RBBP5: variants seen among roughly 807,000 people sequenced by gnomAD.
RBBP5 encodes retinoblastoma-binding protein 5.
In RBBP5, 5 loss-of-function variants were observed where a neutral mutation model predicts 72.2. The ratio of observed to expected loss-of-function variants is 0.07; its 90% confidence interval spans 0.04 to 0.15. RBBP5 has a LOEUF of 0.15. RBBP5 is among the 10% of genes least tolerant of loss of function. The pLI is 1.00. For missense variants in RBBP5, 322 were observed against 652.2 expected (o/e 0.49, Z 5.51); for synonymous variants, 209 against 237.2 (o/e 0.88, Z 1.09).
Position 205,121,898 on chromosome 1 carries a change from C to T in RBBP5, c.-25G>A. The T allele has an allele frequency of 6.2e-7, 1 of 1,609,582 alleles. No homozygotes were observed. The highest frequency in any genetic ancestry group is 8.5e-7 in the Non-Finnish European group (1 of 1,179,956). On this transcript the variant is annotated 5_prime_UTR_variant, in exon 1 of 14. Coordinates refer to ENST00000264515, the MANE Select transcript of RBBP5 (RefSeq NM_005057.4). ...TCCCTGCGGACTGTGGCCGCCCGGTCTCAGCTCCGGCAACAACACCTTCTC... is the reference window on the plus strand; with the variant it reads ...TCCCTGCGGACTGTGGCCGCCCGGTTTCAGCTCCGGCAACAACACCTTCTC...
intron 13 of RBBP5, among the ~76,000 whole-genome samples, chr1:205,093,558 A>ACACACACG (rs1553352242): frequency 1.7e-5 from 2 of 115,966 alleles, no homozygotes; most frequent in African/African-American, 7.6e-5. Context: ...ACACACACAC[A>ACACACACG]CACACACACA....
intron 1 of RBBP5, 21 bp from the exon 2 acceptor site, chr1:205,115,904 A>C: frequency 6.2e-7 from 1 of 1,613,714 alleles, no homozygotes; most frequent in Non-Finnish European, 8.5e-7. Context: ...GCAAAGAAAG[A>C]GTTGATGGCA....
In RBBP5 at chr1:205,121,897, T is replaced by C. The variant is rs1215099156; in HGVS notation, c.-24A>G. The C allele has an allele frequency of 1.9e-6, 3 of 1,609,538 alleles. No homozygotes were observed. Among genetic ancestry groups the C allele is most frequent in the Non-Finnish European group, 2.5e-6 (3 of 1,179,930 alleles). ...ATCCCTGCGGACTGTGGCCGCCCGG[T>C]CTCAGCTCCGGCAACAACACCTTCT... On this transcript the variant is annotated 5_prime_UTR_variant, in exon 1 of 14. Transcript: ENST00000264515.
intron 1 of RBBP5, chr1:205,116,291 C>G: frequency 2.7e-6 from 1 of 375,648 alleles, no homozygotes; most frequent in South Asian, 2.0e-5. Flanking sequence ...ATGGTTATTT[C>G]TATATAATAT....
At chr1:205,116,086 G>A (rs1209474130) in intron 1 of RBBP5, 9 of 1,041,830 alleles carry the variant, frequency 8.6e-6, no homozygotes, top group Middle Eastern at 2.1e-4. Context: ...ATACAGATGC[G>A]TTTTCCTGAG....
At position 205,105,160 on chromosome 1, in the gene RBBP5, C is replaced by G; in HGVS notation, c.227G>C (p.Arg76Pro). The change falls in exon 4 of 14, where the codon CGA becomes CCA. Residue 76 changes from arginine (R) to proline (P), a missense_variant. Arg to Pro is a moderately radical substitution (Grantham distance 103, BLOSUM62 -2). Transcript: ENST00000264515. ...AGCACTCACGAGTTTATGACCATCT[C>G]GGCTCCAGCTGAGGAAAAAAAAGGG... Reference protein sequence around the residue: ...IHPVCSLCWSRDGHKLVSAST... With the variant: ...IHPVCSLCWSPDGHKLVSAST... 1 of 1,610,280 alleles carries G rather than the reference C, an allele frequency of 6.2e-7. No individual in the cohort carries two copies. The highest frequency in any genetic ancestry group is 8.5e-7 in the Non-Finnish European group (1 of 1,177,990).
intron 6 of RBBP5, among the ~76,000 whole-genome samples, chr1:205,100,635 G>A (rs1393947524): frequency 6.6e-6 from 1 of 152,068 alleles, no homozygotes; most frequent in African/African-American, 2.4e-5. Context: ...AACTAAATAT[G>A]TCATTTTAAA....
intron 11 of RBBP5, 92 bp from the exon 12 acceptor site, chr1:205,097,003 A>T (rs1655644380): frequency 8.9e-7 from 1 of 1,120,756 alleles, no homozygotes; most frequent in Non-Finnish European, 1.3e-6. Context: ...TATTAAGCAT[A>T]AGCAACAGGT....
intron 3 of RBBP5, among the ~76,000 whole-genome samples, chr1:205,108,806 T>C (rs1422002890): frequency 6.6e-6 from 1 of 152,212 alleles, no homozygotes; most frequent in African/African-American, 2.4e-5. Context: ...TTAAGCTTTA[T>C]GGGCTTCAAT....
Position 205,095,926 on chromosome 1 carries a change from T to C in RBBP5, c.1396+756A>G, listed in dbSNP as rs572338096. 1.4e-4 allele frequency among the ~76,000 whole-genome samples: 21 copies of C among 152,202 alleles called. No individual in the cohort carries two copies. In the South Asian group the frequency reaches 3.9e-3, roughly 29 times the overall value. The stretch of plus-strand genomic sequence containing the variant: ...GAAGAGGAAGGGCCGGGCGCAGTGG[T>C]TCACGCCTGTAATCCCAGCACTTAG... On this transcript the variant is annotated intron_variant, in intron 12 of 13. Coordinates refer to ENST00000264515, the MANE Select transcript of RBBP5 (RefSeq NM_005057.4).
chr1:205,093,515 TATATATATATATATATATACACAC>T (rs1433294084), intron 13 of RBBP5, among the ~76,000 whole-genome samples: 32 of 13,652 alleles, frequency 2.3e-3, no homozygotes, highest in African/African-American at 0.015. Context: ...TATATATATA[TATATATATATATATATATACACAC>T]ACACACACAC....
At chr1:205,121,088 A>T (rs760660734) in intron 1 of RBBP5, among the ~76,000 whole-genome samples, 10 of 152,192 alleles carry the variant, frequency 6.6e-5, no homozygotes, top group Non-Finnish European at 1.5e-4. Context: ...AAACCTAACC[A>T]TTAGGAACAG....
intron 10 of RBBP5, among the ~76,000 whole-genome samples, chr1:205,097,937 C>T (rs1358316275): frequency 1.3e-5 from 2 of 152,128 alleles, no homozygotes; most frequent in Non-Finnish European, 2.9e-5. Flanking sequence ...GCATTAATTA[C>T]TCACTGACAG....
rs1331412785 is a variant in RBBP5, at chr1:205,094,970, A to T, written c.1491T>A (p.Ser497=). 16 of 1,613,936 alleles carry T rather than the reference A, an allele frequency of 9.9e-6. No individual in the cohort carries two copies. The highest frequency in any genetic ancestry group is 2.2e-5 in the East Asian group (1 of 44,876). ...PKGSKGKEKD[S]PFKPKLYKGD... ...CTTTGTAGAGTTTCGGTTTAAATGG[A>T]GAATCTTTCTCTTTACCTTTTGATC... The change falls in exon 13 of 14, where the codon TCT becomes TCA. Residue 497 remains serine (S), a synonymous_variant. Coordinates refer to ENST00000264515, the MANE Select transcript of RBBP5 (RefSeq NM_005057.4).
chr1:205,115,726 T>C, intron 2 of RBBP5, 132 bp downstream of exon 2: 1 of 1,185,090 alleles, frequency 8.4e-7, no homozygotes, highest in African/African-American at 1.6e-5. Flanking sequence ...AGCTCCTTAT[T>C]ATAGCATAAG....
chr1:205,120,987 A>G (rs1455006031), intron 1 of RBBP5, among the ~76,000 whole-genome samples: 1 of 152,226 alleles, frequency 6.6e-6, no homozygotes, highest in African/African-American at 2.4e-5. Context: ...CTCCCTGCTT[A>G]ATGAAAAGCT....
At chr1:205,107,145 T>C (rs1366176162) in intron 3 of RBBP5, among the ~76,000 whole-genome samples, 1 of 151,854 alleles carries the variant, frequency 6.6e-6, no homozygotes, top group Non-Finnish European at 1.5e-5. Context: ...TGTAGAACTA[T>C]AACAAAAGAT....
At chr1:205,115,753 A>T (rs1029225674) in intron 2 of RBBP5, 105 bp downstream of exon 2, 1 of 1,355,272 alleles carries the variant, frequency 7.4e-7, no homozygotes, top group South Asian at 1.7e-5. Flanking sequence ...TATCACACTT[A>T]ATGCTTCTCT....
intron 4 of RBBP5, among the ~76,000 whole-genome samples, chr1:205,104,380 C>A (rs552985936): frequency 6.6e-6 from 1 of 150,912 alleles, no homozygotes; most frequent in Non-Finnish European, 1.5e-5. Flanking sequence ...AAAACTTAGC[C>A]GGATGTGGTG....
Sources: gnomAD v4.1 joint callset for allele counts (sites outside exome capture counted in the v4.1 genomes callset) on GRCh38, gnomAD v4.1.1 for gene constraint, MANE v1.5 for transcripts, NCBI Gene and HGNC (gene_info 2026-07-23, HGNC 2026-07-21) for gene names.